SMG6: variants seen among roughly 807,000 people sequenced by gnomAD.
The protein encoded by SMG6 is telomerase-binding protein EST1A.
SMG6 carries 66 observed loss-of-function variants against 142.2 expected under a neutral mutation model. The observed-to-expected ratio is 0.46, with a 90% confidence interval of 0.38 to 0.57. SMG6 has a LOEUF of 0.57. SMG6 is among the 20% of genes least tolerant of loss of function. The probability of loss-of-function intolerance (pLI) is 0.00; values close to 1 mark genes in which losing one functional copy is unlikely to be tolerated. For missense variants in SMG6, 1,793 were observed against 1,832.0 expected, an observed-to-expected ratio of 0.98 and a Z score of 0.39; for synonymous variants, 779 against 702.4, an observed-to-expected ratio of 1.11 and a Z score of -1.72.
intron 13 of SMG6, chr17:2,088,671 ATGGTCAAAGC>A: frequency 3.0e-6 from 3 of 985,348 alleles, no homozygotes; most frequent in Non-Finnish European, 3.6e-6. Context: ...AGCAGGGAGG[ATGGTCAAAGC>A]TGTGTAAAGT....
At chr17:2,091,796 G>A (rs1313824827) in intron 13 of SMG6, among the ~76,000 whole-genome samples, 6 of 151,186 alleles carry the variant, frequency 4.0e-5, no homozygotes, top group South Asian at 2.1e-4. Flanking sequence ...TCAGCCTCCC[G>A]AGTAGCTGGG....
At chr17:2,074,132 A>G (rs1299041767) in intron 15 of SMG6, among the ~76,000 whole-genome samples, 1 of 151,372 alleles carries the variant, frequency 6.6e-6, no homozygotes, top group Non-Finnish European at 1.5e-5. Flanking sequence ...GCTGGAGTGC[A>G]GTGGTGCGAT....
chr17:2,226,293 GA>G (rs1260999299), intron 10 of SMG6, among the ~76,000 whole-genome samples: 1 of 143,636 alleles, frequency 7.0e-6, no homozygotes. Flanking sequence ...AAAGAAAAAA[GA>G]AAAAAAAGAG....
At chr17:2,159,938 A>C (rs1465028062) in intron 13 of SMG6, among the ~76,000 whole-genome samples, 1 of 152,230 alleles carries the variant, frequency 6.6e-6, no homozygotes, top group African/African-American at 2.4e-5. Context: ...TTCCATGTAT[A>C]TGAAATTTTA....
chr17:2,204,877 C>T (rs771428320), intron 10 of SMG6, among the ~76,000 whole-genome samples: 17 of 152,150 alleles, frequency 1.1e-4, no homozygotes, highest in Non-Finnish European at 2.2e-4. Flanking sequence ...GAAGGAAGAT[C>T]GCTTCAGCCT....
intron 8 of SMG6, among the ~76,000 whole-genome samples, chr17:2,256,904 T>A (rs2074194258): frequency 6.7e-6 from 1 of 148,870 alleles, no homozygotes; most frequent in Non-Finnish European, 1.5e-5. Context: ...CTGTGAGAAT[T>A]TAAATCCACT....
chr17:2,157,931 A>G (rs1235470305), intron 13 of SMG6, among the ~76,000 whole-genome samples: 1 of 152,198 alleles, frequency 6.6e-6, no homozygotes, highest in East Asian at 1.9e-4. Flanking sequence ...TCCTCCCACC[A>G]CCAGTAGAAC....
At chr17:2,250,369 G>A (rs761897141) in intron 8 of SMG6, among the ~76,000 whole-genome samples, 2 of 151,650 alleles carry the variant, frequency 1.3e-5, no homozygotes, top group Admixed American at 6.6e-5. Flanking sequence ...TATCTGTATG[G>A]AATGTCTCTA....
chr17:2,247,150 T>C (rs930142676), intron 8 of SMG6, among the ~76,000 whole-genome samples: 5 of 152,164 alleles, frequency 3.3e-5, no homozygotes, highest in African/African-American at 9.7e-5. Context: ...GGTGGGATCT[T>C]AGGCAACGGA....
At chr17:2,173,109 A>C (rs1478251917) in intron 12 of SMG6, 1 of 500,660 alleles carries the variant, frequency 2.0e-6, no homozygotes, top group Non-Finnish European at 3.6e-6. Context: ...AGAGAGGAAA[A>C]AGAATTTGGA....
intron 10 of SMG6, among the ~76,000 whole-genome samples, chr17:2,219,735 G>A (rs150375312): frequency 4.1e-5 from 6 of 148,110 alleles, no homozygotes. Flanking sequence ...TGAGGCTGCA[G>A]TGAATGCAAT....
At chr17:2,192,206 G>A (rs1024210687) in intron 10 of SMG6, among the ~76,000 whole-genome samples, 5 of 152,236 alleles carry the variant, frequency 3.3e-5, no homozygotes, top group South Asian at 2.1e-4. Context: ...CCGAGCCAAG[G>A]GATGGTGGTT....
intron 10 of SMG6, chr17:2,212,494 T>C (rs751385113): frequency 1.3e-5 from 2 of 152,042 alleles, no homozygotes; most frequent in African/African-American, 2.4e-5. Context: ...AACCACAGAG[T>C]TGGCTTTACG....
chr17:2,269,175 G>A (rs1343035765), intron 8 of SMG6, among the ~76,000 whole-genome samples: 5 of 139,076 alleles, frequency 3.6e-5, no homozygotes, highest in East Asian at 2.2e-4. Flanking sequence ...AGCCGAGATC[G>A]CAGCACTGCA....
At chr17:2,229,956 T>G (rs9914266) in intron 10 of SMG6, among the ~76,000 whole-genome samples, 1 of 151,246 alleles carries the variant, frequency 6.6e-6, no homozygotes, top group Non-Finnish European at 1.5e-5. Context: ...GAGGCTGAGG[T>G]GGGCGGATCA....
chr17:2,259,132 A>C (rs2074258208), intron 8 of SMG6, among the ~76,000 whole-genome samples: 1 of 152,024 alleles, frequency 6.6e-6, no homozygotes, highest in Non-Finnish European at 1.5e-5. Context: ...AGACACGGAG[A>C]ATGTTTCTAT....
chr17:2,082,636 G>C (rs1215976543), intron 14 of SMG6, among the ~76,000 whole-genome samples: 1 of 152,190 alleles, frequency 6.6e-6, no homozygotes, highest in African/African-American at 2.4e-5. Flanking sequence ...CAGGCTGGTG[G>C]CACATTCCCC....
At chr17:2,255,220 C>T (rs896335898) in intron 8 of SMG6, among the ~76,000 whole-genome samples, 20 of 150,906 alleles carry the variant, frequency 1.3e-4, no homozygotes, top group African/African-American at 2.4e-4. Context: ...CTGGCTAACA[C>T]GGTGAAACCC....
chr17:2,267,742 TTTA>T (rs2074453210), intron 8 of SMG6, among the ~76,000 whole-genome samples: 1 of 132,730 alleles, frequency 7.5e-6, no homozygotes, highest in Non-Finnish European at 1.6e-5. Context: ...TTTAATTATT[TTTA>T]TTATTATTTT....
Sources: allele counts gnomAD v4.1 joint callset (sites outside exome capture counted in the v4.1 genomes callset), GRCh38; gene constraint gnomAD v4.1.1; transcripts MANE v1.5; gene names NCBI Gene and HGNC (gene_info 2026-07-23, HGNC 2026-07-21).